The following SHANK2 variants were observed in gnomAD, a reference collection of about 807,000 sequenced individuals.
SHANK2 encodes the protein SH3 and multiple ankyrin repeat domains 2.
SHANK2 carries 43 observed loss-of-function variants against 133.7 expected under a neutral mutation model. The observed-to-expected ratio is 0.32, with a 90% CI of 0.25 to 0.41. SHANK2 has a LOEUF of 0.41. Among genes scored for constraint, SHANK2 ranks in the 10% least tolerant of loss-of-function variants. SHANK2 has a pLI of 1.00. For missense variants in SHANK2, 1,994 were observed against 2,235.8 expected, an observed-to-expected ratio of 0.89 and a Z score of 2.18; for synonymous variants, 1,017 against 952.8, an observed-to-expected ratio of 1.07 and a Z score of -1.24.
intron 10 of SHANK2, among the ~76,000 whole-genome samples, chr11:70,900,543 C>G (rs559232487): frequency 2.5e-3 from 382 of 152,268 alleles, no homozygotes; most frequent in Non-Finnish European, 4.5e-3. Context: ...TGAAATAACA[C>G]GTACGTGGAC....
intron 9 of SHANK2, among the ~76,000 whole-genome samples, chr11:71,060,136 C>T (rs1950970792): frequency 6.6e-6 from 1 of 152,194 alleles, no homozygotes; most frequent in Non-Finnish European, 1.5e-5. Context: ...ATTTTGCCTT[C>T]ACGGGAACAT....
intron 6 of SHANK2, among the ~76,000 whole-genome samples, chr11:71,108,157 A>G (rs1398213218): frequency 2.0e-5 from 3 of 152,176 alleles, no homozygotes; most frequent in African/African-American, 7.2e-5. Flanking sequence ...ACCTGGGTCC[A>G]TTTACCTTCA....
At position 70,479,042 on chromosome 11, in the gene SHANK2, G is replaced by C. The variant is rs892086952; in HGVS notation, c.4980-5603C>G. The stretch of plus-strand genomic sequence containing the variant: ...AATGGGGAGGAAGATTCTGACTTGA[G>C]ATTTGCCTGTTGATGGGCAAGGACG... On this transcript the variant is annotated intron_variant, in intron 25 of 25. Transcript: ENST00000601538. The surrounding 1 kb of genome is among the most constrained non-coding windows in gnomAD (Gnocchi z 4.4). Among the ~76,000 whole-genome samples, 56 of 152,324 alleles carry C rather than the reference G, an allele frequency of 3.7e-4. No individual in the cohort carries two copies. The highest frequency in any genetic ancestry group is 1.3e-3 in the African/African-American group (54 of 41,562).
intron 17 of SHANK2, among the ~76,000 whole-genome samples, chr11:70,563,816 T>C (rs965683017): frequency 6.6e-6 from 1 of 152,214 alleles, no homozygotes; most frequent in Non-Finnish European, 1.5e-5. Flanking sequence ...ATATTCTTTA[T>C]AGTGTACCTG....
At chr11:70,791,551 T>C (rs906719019) in intron 14 of SHANK2, among the ~76,000 whole-genome samples, 2 of 152,196 alleles carry the variant, frequency 1.3e-5, no homozygotes, top group Middle Eastern at 3.2e-3. Context: ...CAACTCTTCA[T>C]ACGCATCATC....
chr11:71,138,554 C>T (rs759845842), intron 3 of SHANK2, among the ~76,000 whole-genome samples: 6 of 152,114 alleles, frequency 3.9e-5, no homozygotes, highest in African/African-American at 2.4e-5. Flanking sequence ...CGGTGGTTCA[C>T]GCCTGTAATC....
chr11:70,773,267 C>G (rs1947291986), intron 14 of SHANK2, among the ~76,000 whole-genome samples: 1 of 152,206 alleles, frequency 6.6e-6, no homozygotes, highest in African/African-American at 2.4e-5. Context: ...GTCCTAAAGA[C>G]AAGAGCAAAG....
rs1439374042 is a variant in SHANK2, at chr11:71,148,036, A to C, written c.-12-698T>G. Among the ~76,000 whole-genome samples the C allele has an allele frequency of 5.9e-5, 9 of 151,766 alleles. No individual in the cohort carries two copies. The South Asian group carries it at 1.7e-3, about 28-fold the overall frequency. ...TCAAGTGCAATAAAAATTACCCCAC[A>C]AAGAGTCAGGCCAGGTTGCCAATGG... On this transcript the variant is annotated intron_variant, in intron 2 of 25. Transcript: ENST00000601538.
intron 14 of SHANK2, among the ~76,000 whole-genome samples, chr11:70,784,863 C>T (rs1314780670): frequency 6.6e-6 from 1 of 152,226 alleles, no homozygotes; most frequent in African/African-American, 2.4e-5. Flanking sequence ...GCTAAGAGCC[C>T]TCCCGCTATT....
intron 18 of SHANK2, 66 bp downstream of exon 18, chr11:70,502,730 T>TGGGCGGGGGGGGGGGGGGGG: frequency 1.3e-6 from 1 of 772,456 alleles, no homozygotes; most frequent in Non-Finnish European, 1.9e-6. Context: ...CCAGCTGTCC[T>TGGGCGGGGGGGGGGGGGGGG]GCCCGCCCCC....
At chr11:71,072,645 C>T (rs2135972746) in intron 9 of SHANK2, among the ~76,000 whole-genome samples, 1 of 151,890 alleles carries the variant, frequency 6.6e-6, no homozygotes, top group South Asian at 2.1e-4. Flanking sequence ...CGAGGGTCCC[C>T]TGACAGATGT....
chr11:71,141,758 T>C (rs1952558022), intron 3 of SHANK2, among the ~76,000 whole-genome samples: 1 of 151,982 alleles, frequency 6.6e-6, no homozygotes, highest in African/African-American at 2.4e-5. Flanking sequence ...GGCCTGCTCC[T>C]CTCCAAAGGC....
At position 70,534,804 on chromosome 11, in the gene SHANK2, G is replaced by C. The variant is rs1448605160; in HGVS notation, c.2062-31873C>G. On this transcript the variant is annotated intron_variant, in intron 17 of 25. Coordinates refer to ENST00000601538, the MANE Select transcript of SHANK2 (RefSeq NM_012309.5). ...TACTGCACAGACCGAGGGATGTAGA[G>C]GACAATGGCGAGGTGGGGACTCACG... Among the ~76,000 whole-genome samples, 3 of 152,244 alleles carry C rather than the reference G, an allele frequency of 2.0e-5. No homozygotes were observed. In the South Asian group the frequency reaches 6.2e-4, roughly 32 times the overall value.
chr11:71,072,967 G>A (rs1951161909), intron 9 of SHANK2, among the ~76,000 whole-genome samples: 1 of 151,906 alleles, frequency 6.6e-6, no homozygotes, highest in Non-Finnish European at 1.5e-5. Flanking sequence ...GAGATGAATG[G>A]CAGGCAATTG....
chr11:71,073,382 C>G (rs1951175859), intron 9 of SHANK2, among the ~76,000 whole-genome samples: 1 of 151,436 alleles, frequency 6.6e-6, no homozygotes. Flanking sequence ...TGGTCTTGAA[C>G]TCTGACCTCA....
intron 2 of SHANK2, among the ~76,000 whole-genome samples, chr11:71,192,885 G>C (rs1246656628): frequency 6.6e-6 from 1 of 152,176 alleles, no homozygotes; most frequent in African/African-American, 2.4e-5. Context: ...CAGGGTGCTT[G>C]AGGAAAAGAT....
chr11:70,624,462 C>G (rs1318039858), intron 17 of SHANK2, among the ~76,000 whole-genome samples: 1 of 151,866 alleles, frequency 6.6e-6, no homozygotes, highest in African/African-American at 2.4e-5. Context: ...AGCCAGGATT[C>G]ACCCCCAGAC....
intron 17 of SHANK2, among the ~76,000 whole-genome samples, chr11:70,640,378 C>T (rs1185366598): frequency 7.9e-5 from 12 of 152,116 alleles, no homozygotes; most frequent in Admixed American, 7.2e-4. Context: ...AGCCAAGGGA[C>T]GCCTGGAGAC....
intron 15 of SHANK2, among the ~76,000 whole-genome samples, chr11:70,678,681 T>C (rs1203216023): frequency 6.6e-6 from 1 of 151,924 alleles, no homozygotes; most frequent in East Asian, 1.9e-4. Flanking sequence ...TAGCTGGGAC[T>C]ATAGGTGTGC....
Sources: allele counts gnomAD v4.1 joint callset (sites outside exome capture counted in the v4.1 genomes callset), GRCh38; gene constraint gnomAD v4.1.1; non-coding constraint Gnocchi (gnomAD v3.1); transcripts MANE v1.5; gene names NCBI Gene and HGNC (gene_info 2026-07-23, HGNC 2026-07-21).